The following CELSR3 variants were observed in gnomAD, a reference collection of about 807,000 sequenced individuals.
CELSR3 encodes the protein EGF-like protein 1.
CELSR3 carries 73 observed loss-of-function variants against 270.0 expected under a neutral mutation model. The ratio of observed to expected loss-of-function variants is 0.27; its 90% CI spans 0.22 to 0.33. The LOEUF (loss-of-function observed/expected upper bound fraction) is 0.33. Ranked by LOEUF, CELSR3 falls within the 10% of genes least tolerant of loss-of-function variation. CELSR3 has a pLI of 1.00. For synonymous variants in CELSR3, 1,780 were observed against 1,905.4 expected, an observed-to-expected ratio of 0.93 and a Z score of 1.71; for missense variants, 3,614 against 4,533.8, an observed-to-expected ratio of 0.80 and a Z score of 5.83.
rs367570075 is a variant in CELSR3 at position 48,649,069 on chromosome 3, C to T, written c.6567+52G>A. On this transcript the variant is annotated intron_variant, in intron 17 of 34. Coordinates refer to ENST00000164024, the MANE Select transcript of CELSR3 (RefSeq NM_001407.3). ...GCTAGGGTGTGGTATCTGGGGCCCA[C>T]CACAGGCCAAGGAAGGTCTTAGGTT... The T allele has an allele frequency of 1.2e-3, 1,933 of 1,570,304 alleles. 1 individual carries two copies. The highest frequency in any genetic ancestry group is 1.6e-3 in the Non-Finnish European group (1,840 of 1,151,212).
rs777803643 is a variant in CELSR3, at chr3:48,655,076, G to A, written c.4956C>T (p.Cys1652=). 8.7e-6 allele frequency: 14 copies of A among 1,613,764 alleles called. No individual in the cohort carries two copies. Among genetic ancestry groups the A allele is most frequent in the African/African-American group, 4.0e-5 (3 of 74,822 alleles). The change falls in exon 6 of 35, where the codon TGC becomes TGT. Residue 1652 remains cysteine (C), a synonymous_variant. Coordinates refer to ENST00000164024, the MANE Select transcript of CELSR3 (RefSeq NM_001407.3). The surrounding 1 kb of genome is among the most constrained non-coding windows in gnomAD (Gnocchi z 5.8). ...QFGAEIGNYS[C]AAAGVQTSSK... ...AGCTTGTTTGCACACCAGCAGCCGCGCATGAGTAGTTGCCAATCTCAGCAC... is the reference window on the plus strand; with the variant it reads ...AGCTTGTTTGCACACCAGCAGCCGCACATGAGTAGTTGCCAATCTCAGCAC...
Position 48,656,926 on chromosome 3 carries a change from C to T in CELSR3, c.4171G>A (p.Val1391Met), listed in dbSNP as rs1333254489. The change falls in exon 2 of 35, where the codon GTG (valine) becomes ATG (methionine). Residue 1391 changes from valine to methionine, a missense_variant. By Grantham distance (21) the Val-to-Met change is conservative (BLOSUM62 1). Coordinates refer to ENST00000164024, the MANE Select transcript of CELSR3 (RefSeq NM_001407.3). ...GACGAGTCAAAGCGGAGCACGGACA[C>T]GCATTTCATGTAGTTCTCACAGGGC... ...REPCENYMKCVSVLRFDSSAP... is the reference protein window; with the variant it reads ...REPCENYMKCMSVLRFDSSAP... 7 of 1,611,698 alleles carry T rather than the reference C, an allele frequency of 4.3e-6. No individual in the cohort carries two copies. Among genetic ancestry groups the T allele is most frequent in the Non-Finnish European group, 5.9e-6 (7 of 1,178,912 alleles).
At position 48,649,125 on chromosome 3, in the gene CELSR3, A is replaced by C. The variant is rs1179742083; in HGVS notation, c.6563T>G (p.Leu2188Arg). The C allele has an allele frequency of 1.2e-6, 2 of 1,611,722 alleles. No individual in the cohort carries two copies. The highest frequency in any genetic ancestry group is 2.2e-5 in the South Asian group (2 of 90,598). Residue 2188 changes from leucine to arginine, a missense_variant, in exon 17 of 35, where the codon CTG (leucine) becomes CGG (arginine). Leu to Arg is a moderately radical substitution (Grantham distance 102). Coordinates refer to ENST00000164024, the MANE Select transcript of CELSR3 (RefSeq NM_001407.3). The stretch of plus-strand genomic sequence containing the variant: ...AAAAGGTCTGGGCAGTCTCACCAGC[A>C]GACTGAGCTCTCGAAAGGCAGGGGA... ...CTSPAFRELS[L>R]LLDGLELNKT...
Position 48,659,351 on chromosome 3 carries a change from T to C in CELSR3, c.3284A>G (p.Asp1095Gly), listed in dbSNP as rs1396683965. The C allele has an allele frequency of 6.2e-7, 1 of 1,614,134 alleles. No individual in the cohort carries two copies. The highest frequency in any genetic ancestry group is 8.5e-7 in the Non-Finnish European group (1 of 1,180,032). ...VVAQITAVDP[D>G]EGPNAHIMYQ... ...CATTATATGGGCATTGGGGCCTTCG[T>C]CAGGGTCCACTGCAGTGATCTGGGC... The change falls in exon 1 of 35, where the codon GAC becomes GGC. Residue 1095 changes from aspartate to glycine, a missense_variant. Asp to Gly is a moderately conservative substitution (Grantham distance 94, BLOSUM62 -1). Coordinates refer to ENST00000164024, the MANE Select transcript of CELSR3 (RefSeq NM_001407.3). This position sits in a 1 kb window ranked among gnomAD's most constrained non-coding sequence, Gnocchi z 8.1.
In CELSR3 at chr3:48,652,685, A is replaced by C. The variant is rs1003924932; in HGVS notation, c.5635-132T>G. ...CCCTCCTGGACCCACAGTAGACCTT[A>C]ATATTGCTTGATTTTGACCGGGGGT... On this transcript the variant is annotated intron_variant, in intron 10 of 34. Transcript: ENST00000164024. This position sits in a 1 kb window ranked among gnomAD's most constrained non-coding sequence, Gnocchi z 4.3. 1.5e-6 allele frequency: 1 copy of C among 677,234 alleles called. No individual in the cohort carries two copies. The highest frequency in any genetic ancestry group is 2.5e-6 in the Non-Finnish European group (1 of 406,146). The allele number at this position is 677,234 out of a possible 1,614,324, so 42.0% of individuals were successfully genotyped here. A position where few individuals can be genotyped will look rare whatever the true frequency, so the allele number is the denominator to read the frequency against.
chr3:48,653,776 G>A lies in CELSR3; in HGVS notation c.5291C>T (p.Pro1764Leu). The change falls in exon 9 of 35, where the codon CCC becomes CTC. Residue 1764 changes from proline to leucine, a missense_variant. Transcript: ENST00000164024. The surrounding 1 kb of genome is among the most constrained non-coding windows in gnomAD (Gnocchi z 6.5). ...GKDCQLTMAH[P>L]HHFRGNGTLS... is the part of the protein sequence containing the mutation. ...TGTGCCGTTGCCACGGAAATGGTGG[G>A]GATGGGCCATAGCTGAGTGGATAAG... is the stretch of plus-strand genomic sequence containing the variant. 2 of 1,614,184 alleles carry A rather than the reference G, an allele frequency of 1.2e-6. No homozygotes were observed. Among genetic ancestry groups the A allele is most frequent in the Non-Finnish European group, 1.7e-6 (2 of 1,180,028 alleles).
At position 48,640,795 on chromosome 3, in the gene CELSR3, G is replaced by C; in HGVS notation, c.9026-236C>G. The C allele has an allele frequency of 1.8e-6, 1 of 554,614 alleles. No homozygotes were observed. The highest frequency in any genetic ancestry group is 3.0e-5 in the East Asian group (1 of 32,800). The allele number at this position is 554,614 out of a possible 1,614,324, so 34.4% of individuals were successfully genotyped here. A position where few individuals can be genotyped will look rare whatever the true frequency, so the allele number is the denominator to read the frequency against. On this transcript the variant is annotated intron_variant, in intron 33 of 34. Coordinates refer to ENST00000164024, the MANE Select transcript of CELSR3 (RefSeq NM_001407.3). This position sits in a 1 kb window ranked among gnomAD's most constrained non-coding sequence, Gnocchi z 7.5. ...TGGTCCCGGGGCAGGGGGAGGGCGG[G>C]CAGGTCTCATGGTGCAGGGGATGGG...
rs953849009 is a variant in CELSR3 at position 48,661,269 on chromosome 3, G to A, written c.1366C>T (p.Arg456Cys). ...VEEGYPILQL[R>C]ATDGDAPPNA... is the part of the protein sequence containing the mutation. ...GGGGGCGCGTCGCCGTCAGTGGCAC[G>A]CAGCTGCAGGATAGGGTAGCCCTCC... The change falls in exon 1 of 35, where the codon CGT becomes TGT. Residue 456 changes from arginine (R) to cysteine (C), a missense_variant. By Grantham distance (180) the Arg-to-Cys change is radical. Coordinates refer to ENST00000164024, the MANE Select transcript of CELSR3 (RefSeq NM_001407.3). The A allele has an allele frequency of 1.9e-6, 3 of 1,610,650 alleles. No homozygotes were observed. The African/African-American group carries it at 4.0e-5, about 22-fold the overall frequency.
Position 48,652,923 on chromosome 3 carries a change from C to G in CELSR3, c.5634+79G>C. The G allele has an allele frequency of 8.4e-7, 1 of 1,186,800 alleles. No individual in the cohort carries two copies. The highest frequency in any genetic ancestry group is 1.2e-6 in the Non-Finnish European group (1 of 810,644). The allele number at this position is 1,186,800 out of a possible 1,614,324, so 73.5% of individuals were successfully genotyped here. On this transcript the variant is annotated intron_variant, in intron 10 of 34. Coordinates refer to ENST00000164024, the MANE Select transcript of CELSR3 (RefSeq NM_001407.3). The surrounding 1 kb of genome is among the most constrained non-coding windows in gnomAD (Gnocchi z 4.3). ...GTGCAGTGGAGGGAACTGAGAGGAG[C>G]TGGACTAGAGGTGGGGTCAAATAAG...
At chr3:48,643,270 G>C in intron 28 of CELSR3, 187 bp from the exon 29 acceptor site, 1 of 624,870 alleles carries the variant, frequency 1.6e-6, no homozygotes, top group East Asian at 2.7e-5. Context: ...GGAGTGGCTG[G>C]AGTCTGTAAG....
chr3:48,644,933 T>TAG lies in CELSR3; in HGVS notation c.7972+100_7972+101dup. Reference sequence around the variant, plus strand: ...GAGGGCAGAGCAGCAACCCCATGAATAGATGGCTTGGGGTTTGAGGTTGGG... The same window carrying TAG: ...GAGGGCAGAGCAGCAACCCCATGAATAGAGATGGCTTGGGGTTTGAGGTTGGG... On this transcript the variant is annotated intron_variant, in intron 25 of 34. Coordinates refer to ENST00000164024, the MANE Select transcript of CELSR3 (RefSeq NM_001407.3). This position sits in a 1 kb window ranked among gnomAD's most constrained non-coding sequence, Gnocchi z 4.8. 1 of 1,512,880 alleles carries TAG rather than the reference T, an allele frequency of 6.6e-7. No homozygotes were observed. Among genetic ancestry groups the TAG allele is most frequent in the Non-Finnish European group, 9.1e-7 (1 of 1,103,370 alleles). The allele number at this position is 1,512,880 out of a possible 1,614,324, so 93.7% of individuals were successfully genotyped here.
In CELSR3 at chr3:48,653,761, C is replaced by T; in HGVS notation, c.5306G>A (p.Gly1769Asp). 1.9e-6 allele frequency: 3 copies of T among 1,614,182 alleles called. No individual in the cohort carries two copies. In the South Asian group the frequency reaches 3.3e-5, roughly 18 times the overall value. ...AAAGTTCCAGCTCAGTGTGCCGTTG[C>T]CACGGAAATGGTGGGGATGGGCCAT... ...LTMAHPHHFR[G>D]NGTLSWNFGS... Residue 1769 changes from glycine (G) to aspartate (D), a missense_variant, in exon 9 of 35, where the codon GGC becomes GAC. This residue lies in a region of CELSR3 where 1,331 missense variants were observed against 1,933.7 expected (regional missense o/e 0.69). Transcript: ENST00000164024. The surrounding 1 kb of genome is among the most constrained non-coding windows in gnomAD (Gnocchi z 6.5).
At position 48,646,085 on chromosome 3, in the gene CELSR3, C is replaced by T; in HGVS notation, c.7463+5G>A. 6.2e-7 allele frequency: 1 copy of T among 1,611,924 alleles called. No homozygotes were observed. Among genetic ancestry groups the T allele is most frequent in the Non-Finnish European group, 8.5e-7 (1 of 1,179,372 alleles). On this transcript the variant is annotated splice_donor_5th_base_variant and intron_variant, in intron 22 of 34. Coordinates refer to ENST00000164024, the MANE Select transcript of CELSR3 (RefSeq NM_001407.3). The surrounding 1 kb of genome is among the most constrained non-coding windows in gnomAD (Gnocchi z 4.8). ...ACCAAGGGTTTCCAGAATGGGGGTC[C>T]TCACAGGCCAGGTGGGTCCCACTGC...
At position 48,661,961 on chromosome 3, in the gene CELSR3, G is replaced by A; in HGVS notation, c.674C>T (p.Ala225Val). 1.2e-6 allele frequency: 2 copies of A among 1,613,836 alleles called. No individual in the cohort carries two copies. Among genetic ancestry groups the A allele is most frequent in the Non-Finnish European group, 1.7e-6 (2 of 1,180,040 alleles). Reference sequence around the variant, plus strand: ...GTTCCGCCGGGGGGCTGTCCTTTCTGCTCCGGATGTCGTGGCTCTCTCGCC... The same window carrying A: ...GTTCCGCCGGGGGGCTGTCCTTTCTACTCCGGATGTCGTGGCTCTCTCGCC... ...GQGERATTSG[A>V]ERTAPRRNCL... The change falls in exon 1 of 35, where the codon GCA (alanine) becomes GTA (valine). Residue 225 changes from alanine to valine, a missense_variant. Around this residue, in one of 7 missense-constraint regions of CELSR3, gnomAD observed 470 missense variants for 469.7 expected, o/e 1.00. Coordinates refer to ENST00000164024, the MANE Select transcript of CELSR3 (RefSeq NM_001407.3).
rs912844565 is a variant in CELSR3 at position 48,637,052 on chromosome 3, A to G, written c.*1153T>C. 3 of 152,676 alleles carry G rather than the reference A, an allele frequency of 2.0e-5. No homozygotes were observed. The highest frequency in any genetic ancestry group is 3.4e-3 in the Middle Eastern group (1 of 294). The allele number at this position is 152,676 out of a possible 1,614,324, so 9.5% of individuals were successfully genotyped here. ...GTAAAACTCAAAGTTTTGAGTTGTAAACAAAGTAAAAACATTTTTTGAATC... is the reference window on the plus strand; with the variant it reads ...GTAAAACTCAAAGTTTTGAGTTGTAGACAAAGTAAAAACATTTTTTGAATC... On this transcript the variant is annotated 3_prime_UTR_variant, in exon 35 of 35. Coordinates refer to ENST00000164024, the MANE Select transcript of CELSR3 (RefSeq NM_001407.3).
chr3:48,647,169 G>C (rs1425528868), intron 20 of CELSR3, among the ~76,000 whole-genome samples: 1 of 72,428 alleles, frequency 1.4e-5, no homozygotes, highest in Admixed American at 1.7e-4. Context: ...ATGTGGGAGG[G>C]AGGGTGGAGG....
rs1011712412 is a variant in CELSR3 at position 48,653,372 on chromosome 3, G to C, written c.5449-185C>G. ...GCTGATATGGGGTCAGGGGGCAGAGGATAGGACCAGGTGTTGTGGGTGGGT... is the reference window on the plus strand; with the variant it reads ...GCTGATATGGGGTCAGGGGGCAGAGCATAGGACCAGGTGTTGTGGGTGGGT... On this transcript the variant is annotated intron_variant, in intron 9 of 34. Coordinates refer to ENST00000164024, the MANE Select transcript of CELSR3 (RefSeq NM_001407.3). This position sits in a 1 kb window ranked among gnomAD's most constrained non-coding sequence, Gnocchi z 6.5. 1.3e-5 allele frequency among the ~76,000 whole-genome samples: 2 copies of C among 152,172 alleles called. No homozygotes were observed. Among genetic ancestry groups the C allele is most frequent in the Non-Finnish European group, 2.9e-5 (2 of 68,026 alleles).
At position 48,658,042 on chromosome 3, in the gene CELSR3, G is replaced by A. The variant is rs767661081; in HGVS notation, c.3749-694C>T. Among the ~76,000 whole-genome samples, 4 of 152,122 alleles carry A rather than the reference G, an allele frequency of 2.6e-5. No homozygotes were observed. Among genetic ancestry groups the A allele is most frequent in the Non-Finnish European group, 4.4e-5 (3 of 68,018 alleles). On this transcript the variant is annotated intron_variant, in intron 1 of 34. Transcript: ENST00000164024. The surrounding 1 kb of genome is among the most constrained non-coding windows in gnomAD (Gnocchi z 4.7). ...TCGCCACTCCAGACCTGGGTCCTGT[G>A]GTTTCACAGTGACCACCCCAGAGAT...
chr3:48,653,610 T>C lies in CELSR3; in HGVS notation c.5448+9A>G. The stretch of plus-strand genomic sequence containing the variant: ...ACTGAGGGTATAGGGGTGAGCAGGG[T>C]GGACACACCTGGCAAAGGAGCGTGC... On this transcript the variant is annotated intron_variant, in intron 9 of 34. Transcript: ENST00000164024. This position sits in a 1 kb window ranked among gnomAD's most constrained non-coding sequence, Gnocchi z 6.5. The C allele has an allele frequency of 1.9e-6, 3 of 1,612,912 alleles. No homozygotes were observed. The highest frequency in any genetic ancestry group is 1.7e-4 in the Middle Eastern group (1 of 6,036).
Sources: gnomAD v4.1 joint callset for allele counts (sites outside exome capture counted in the v4.1 genomes callset) on GRCh38, gnomAD v4.1.1 for gene constraint, gnomAD v4.1.1 regional missense constraint, Gnocchi (gnomAD v3.1) non-coding constraint, MANE v1.5 for transcripts, NCBI Gene and HGNC (gene_info 2026-07-23, HGNC 2026-07-21) for gene names.